Variants in STK3 observed in about 807,000 individuals in gnomAD.
The protein encoded by STK3 is serine/threonine-protein kinase 3.
A neutral mutation model predicts 58.0 loss-of-function variants in STK3; 41 were observed. That is an observed-to-expected ratio of 0.71 (90% CI 0.55 to 0.92). The LOEUF is 0.92. STK3 is among the 40% of genes least tolerant of loss of function. The pLI is 0.00. For synonymous variants in STK3, 170 were observed against 191.0 expected (o/e 0.89, Z 0.91); for missense variants, 479 against 602.7 (o/e 0.79, Z 2.15).
chr8:98,582,670 C>T (rs760598821), intron 7 of STK3, among the ~76,000 whole-genome samples: 1 of 151,932 alleles, frequency 6.6e-6, no homozygotes, highest in Non-Finnish European at 1.5e-5. Context: ...ATGCTAGTTT[C>T]CTTTGTATAT....
At chr8:98,756,244 C>A (rs1387455474) in intron 3 of STK3, among the ~76,000 whole-genome samples, 4 of 152,108 alleles carry the variant, frequency 2.6e-5, no homozygotes, top group African/African-American at 9.7e-5. Context: ...TAATTTAGGA[C>A]TCTCCAAGGG....
chr8:98,379,452 A>G (rs1817710119), intron 1 of STK3, among the ~76,000 whole-genome samples: 1 of 152,196 alleles, frequency 6.6e-6, no homozygotes, highest in Admixed American at 6.5e-5. Flanking sequence ...TGTTACTTCA[A>G]ATCAGCCAAA....
chr8:98,928,103 A>C (rs1839870005), intron 1 of STK3, among the ~76,000 whole-genome samples: 1 of 152,216 alleles, frequency 6.6e-6, no homozygotes, highest in Admixed American at 6.5e-5. Flanking sequence ...GAAATGAGTC[A>C]GAATGTGTTC....
intron 1 of STK3, among the ~76,000 whole-genome samples, chr8:98,788,065 C>G (rs1217830647): frequency 6.6e-6 from 1 of 152,056 alleles, no homozygotes; most frequent in Non-Finnish European, 1.5e-5. Flanking sequence ...GGTATACAGG[C>G]AACAAATCGC....
At chr8:98,903,556 C>CCTCTTCTTCTTCTT (rs1554699132) in intron 1 of STK3, among the ~76,000 whole-genome samples, 888 of 50,518 alleles carry the variant, frequency 0.018, 39 homozygotes, top group Admixed American at 0.027. Context: ...TCTTCTTCTT[C>CCTCTTCTTCTTCTT]CTTTTTTTTT....
At chr8:98,483,913 G>A (rs1288660664) in intron 10 of STK3, among the ~76,000 whole-genome samples, 1 of 152,142 alleles carries the variant, frequency 6.6e-6, no homozygotes. Context: ...ACAGGAGTGT[G>A]TTTGAACACA....
intron 1 of STK3, among the ~76,000 whole-genome samples, chr8:98,776,629 G>A (rs1198686280): frequency 6.6e-6 from 1 of 152,046 alleles, no homozygotes; most frequent in African/African-American, 2.4e-5. Context: ...TGCTATTGTC[G>A]ATGACTGGAA....
Position 98,825,517 on chromosome 8 carries a change from C to A in STK3, c.24G>T (p.Lys8Asn). ...CTTCCCGCTCCCCGATTCGTTACCT[C>A]TTAGGCGCCGGCGGCTGCTCCATGG... MEQPPAP[K>N]SKLKKLSEDS... is the part of the protein sequence containing the mutation. The change falls in exon 1 of 11, where the codon AAG becomes AAT. Residue 8 changes from lysine to asparagine, a missense_variant and splice_region_variant. Coordinates refer to ENST00000419617, the MANE Select transcript of STK3 (RefSeq NM_006281.4). 6.9e-7 allele frequency: 1 copy of A among 1,458,480 alleles called. No homozygotes were observed. Among genetic ancestry groups the A allele is most frequent in the Non-Finnish European group, 9.1e-7 (1 of 1,099,804 alleles). The allele number at this position is 1,458,480 out of a possible 1,614,324, so 90.3% of individuals were successfully genotyped here.
intron 8 of STK3, among the ~76,000 whole-genome samples, chr8:98,564,336 C>T (rs535000027): frequency 7.2e-5 from 11 of 152,190 alleles, no homozygotes; most frequent in Non-Finnish European, 1.6e-4. Flanking sequence ...CAGGTAAATA[C>T]GTGCTTGCCA....
chr8:98,680,658 G>A (rs1005617052), intron 6 of STK3, among the ~76,000 whole-genome samples: 1 of 152,158 alleles, frequency 6.6e-6, no homozygotes, highest in African/African-American at 2.4e-5. Flanking sequence ...GTAGAATGTA[G>A]CAACGATAAA....
intron 3 of STK3, among the ~76,000 whole-genome samples, chr8:98,404,507 C>T (rs551478752): frequency 4.6e-5 from 7 of 152,038 alleles, no homozygotes; most frequent in Admixed American, 1.3e-4. Context: ...GGTGAAACCC[C>T]GTCTCTACTA....
chr8:98,550,903 T>C (rs1481196371), intron 8 of STK3, among the ~76,000 whole-genome samples: 1 of 152,228 alleles, frequency 6.6e-6, no homozygotes, highest in Admixed American at 6.5e-5. Context: ...ATACTATTTC[T>C]ATCATTCTAA....
chr8:98,636,386 T>C (rs1237102527), intron 6 of STK3, among the ~76,000 whole-genome samples: 1 of 152,290 alleles, frequency 6.6e-6, no homozygotes, highest in Middle Eastern at 3.4e-3. Context: ...CTTATTCATT[T>C]TTACACTTAT....
intron 6 of STK3, among the ~76,000 whole-genome samples, chr8:98,613,520 A>C (rs1817366119): frequency 1.3e-5 from 2 of 152,186 alleles, no homozygotes; most frequent in Admixed American, 6.5e-5. Context: ...CCTTGTGATA[A>C]TTTATGTACA....
At chr8:98,475,417 A>G (rs934425603) in intron 10 of STK3, among the ~76,000 whole-genome samples, 2 of 152,220 alleles carry the variant, frequency 1.3e-5, no homozygotes, top group African/African-American at 2.4e-5. Flanking sequence ...AAAGCCTTTA[A>G]TTCTCAAGCA....
chr8:98,518,452 T>A (rs1825107617), intron 10 of STK3, among the ~76,000 whole-genome samples: 2 of 152,102 alleles, frequency 1.3e-5, no homozygotes. Context: ...AGAAAAAAAT[T>A]TTAAAAACCA....
chr8:98,608,878 T>G (rs1242476850), intron 6 of STK3, among the ~76,000 whole-genome samples: 1 of 152,238 alleles, frequency 6.6e-6, no homozygotes, highest in Non-Finnish European at 1.5e-5. Context: ...CAGAAGAGAA[T>G]ATGGTGATGA....
chr8:98,781,930 C>T (rs996858934), intron 1 of STK3: 7 of 152,346 alleles, frequency 4.6e-5, no homozygotes, highest in African/African-American at 1.7e-4. Flanking sequence ...TATGAATATA[C>T]TTTCACATAC....
At chr8:98,782,424 G>C (rs1832155070) in intron 1 of STK3, 1 of 254,016 alleles carries the variant, frequency 3.9e-6, no homozygotes, top group Admixed American at 3.9e-5. Flanking sequence ...GAAGGTAAAG[G>C]GGAGTGTGTT....
Sources: allele counts gnomAD v4.1 joint callset (sites outside exome capture counted in the v4.1 genomes callset), GRCh38; gene constraint gnomAD v4.1.1; transcripts MANE v1.5; gene names NCBI Gene and HGNC (gene_info 2026-07-23, HGNC 2026-07-21).